Variants in CNTN5 observed in about 807,000 individuals in gnomAD.
CNTN5 encodes the protein contactin 5.
In CNTN5, 77 loss-of-function variants were observed where a neutral mutation model predicts 129.1. The ratio of observed to expected loss-of-function variants is 0.60; its 90% CI spans 0.50 to 0.72. CNTN5 has a LOEUF of 0.72. Among genes scored for constraint, CNTN5 ranks in the 30% least tolerant of loss-of-function variants. The probability of loss-of-function intolerance (pLI) is 0.00; values close to 1 mark genes in which losing one functional copy is unlikely to be tolerated. For synonymous variants in CNTN5, 509 were observed against 465.6 expected (o/e 1.09, Z -1.20); for missense variants, 1,478 against 1,328.8 (o/e 1.11, Z -1.75).
intron 2 of CNTN5, among the ~76,000 whole-genome samples, chr11:99,364,612 T>G (rs999282436): frequency 5.9e-5 from 9 of 152,118 alleles, no homozygotes; most frequent in African/African-American, 1.2e-4. Flanking sequence ...CCATTAATAC[T>G]GTTCATAATA....
At chr11:99,284,626 TG>T (rs1863849380) in intron 1 of CNTN5, among the ~76,000 whole-genome samples, 2 of 122,338 alleles carry the variant, frequency 1.6e-5, no homozygotes, top group Non-Finnish European at 3.7e-5. Context: ...TGTGTGTGTG[TG>T]TGTGTGTGTG....
At chr11:99,101,540 C>A (rs1591191017) in intron 1 of CNTN5, among the ~76,000 whole-genome samples, 1 of 152,194 alleles carries the variant, frequency 6.6e-6, no homozygotes, top group Non-Finnish European at 1.5e-5. Context: ...GTAAATACAG[C>A]TGTCCCAAAT....
intron 3 of CNTN5, among the ~76,000 whole-genome samples, chr11:99,667,021 A>G (rs1038857904): frequency 1.3e-5 from 2 of 151,954 alleles, no homozygotes; most frequent in African/African-American, 4.8e-5. Flanking sequence ...AATAATTAGA[A>G]TAATTATTAG....
At chr11:99,033,330 T>A in intron 1 of CNTN5, among the ~76,000 whole-genome samples, 1 of 152,112 alleles carries the variant, frequency 6.6e-6, no homozygotes, top group Non-Finnish European at 1.5e-5. Flanking sequence ...TTGATGGGAG[T>A]GGCATTGAAT....
chr11:99,379,029 A>G (rs1039252522), intron 2 of CNTN5, among the ~76,000 whole-genome samples: 3 of 152,032 alleles, frequency 2.0e-5, no homozygotes, highest in African/African-American at 7.2e-5. Flanking sequence ...TACATAAAAT[A>G]GCACTCATCT....
At chr11:100,137,453 A>G (rs1199356966) in intron 13 of CNTN5, among the ~76,000 whole-genome samples, 1 of 152,166 alleles carries the variant, frequency 6.6e-6, no homozygotes, top group Non-Finnish European at 1.5e-5. Context: ...ATGGGGAAGA[A>G]AGCAAGAAAT....
intron 16 of CNTN5, among the ~76,000 whole-genome samples, chr11:100,252,239 G>A (rs909108301): frequency 1.7e-4 from 26 of 152,020 alleles, no homozygotes; most frequent in Admixed American, 9.8e-4. Context: ...CTTTTCAGAT[G>A]TGACTGTTTT....
At chr11:99,151,166 T>C (rs1352958352) in intron 1 of CNTN5, among the ~76,000 whole-genome samples, 2 of 152,150 alleles carry the variant, frequency 1.3e-5, no homozygotes, top group South Asian at 2.1e-4. Context: ...TTTAGTTGAA[T>C]GTTTTATGAA....
chr11:100,168,717 T>C (rs189563450), intron 13 of CNTN5, among the ~76,000 whole-genome samples: 35 of 152,068 alleles, frequency 2.3e-4, no homozygotes, highest in African/African-American at 7.7e-4. Context: ...GATGAAGGAG[T>C]AATTTAATTT....
intron 3 of CNTN5, among the ~76,000 whole-genome samples, chr11:99,670,335 T>C (rs985520315): frequency 1.3e-5 from 2 of 152,154 alleles, no homozygotes; most frequent in African/African-American, 4.8e-5. Flanking sequence ...TGAAGAATTA[T>C]GACCCTTTTG....
At chr11:99,647,082 T>A (rs753155714) in intron 3 of CNTN5, among the ~76,000 whole-genome samples, 5 of 152,154 alleles carry the variant, frequency 3.3e-5, no homozygotes, top group Non-Finnish European at 5.9e-5. Context: ...GCTTTTGAGG[T>A]CTTAGTCATC....
At chr11:100,322,380 G>A (rs1054557500) in intron 21 of CNTN5, among the ~76,000 whole-genome samples, 44 of 152,016 alleles carry the variant, frequency 2.9e-4, no homozygotes, top group African/African-American at 1.0e-3. Context: ...CCGCCACTAC[G>A]CCCGGCTAAT....
intron 3 of CNTN5, among the ~76,000 whole-genome samples, chr11:99,774,968 T>C (rs1945074616): frequency 1.3e-5 from 2 of 152,130 alleles, no homozygotes; most frequent in Non-Finnish European, 2.9e-5. Flanking sequence ...TATAATCACT[T>C]GAAAGCGTCA....
intron 3 of CNTN5, among the ~76,000 whole-genome samples, chr11:99,737,591 T>C (rs1943752791): frequency 6.6e-6 from 1 of 152,158 alleles, no homozygotes; most frequent in African/African-American, 2.4e-5. Flanking sequence ...ACTGAAAAAA[T>C]AATCCAAGCA....
intron 1 of CNTN5, among the ~76,000 whole-genome samples, chr11:99,308,666 C>G (rs976998164): frequency 1.3e-5 from 2 of 152,080 alleles, no homozygotes; most frequent in African/African-American, 4.8e-5. Context: ...AATATTCAAC[C>G]GTTATTTCTC....
At chr11:99,300,108 A>C (rs959018236) in intron 1 of CNTN5, among the ~76,000 whole-genome samples, 1 of 151,734 alleles carries the variant, frequency 6.6e-6, no homozygotes, top group Non-Finnish European at 1.5e-5. Context: ...GACGCCTTTT[A>C]TTTCTTTTTC....
intron 2 of CNTN5, among the ~76,000 whole-genome samples, chr11:99,408,468 A>AAG (rs1483227466): frequency 1.6e-5 from 2 of 121,756 alleles, no homozygotes; most frequent in South Asian, 5.6e-4. Context: ...GAAAGAAAGA[A>AAG]AGAAAGAAAG....
intron 15 of CNTN5, among the ~76,000 whole-genome samples, chr11:100,201,838 T>C (rs561911228): frequency 3.8e-4 from 57 of 151,994 alleles, no homozygotes; most frequent in African/African-American, 1.3e-3. Flanking sequence ...CTCTCAGCAG[T>C]GTTCCGCTCT....
At chr11:99,776,177 A>C (rs1380023175) in intron 3 of CNTN5, among the ~76,000 whole-genome samples, 1 of 81,884 alleles carries the variant, frequency 1.2e-5, no homozygotes, top group Non-Finnish European at 2.8e-5. Context: ...CCGTGACTTT[A>C]TGGGGTTAAA....
Sources: gnomAD v4.1 joint callset for allele counts (sites outside exome capture counted in the v4.1 genomes callset) on GRCh38, gnomAD v4.1.1 for gene constraint, MANE v1.5 for transcripts, NCBI Gene and HGNC (gene_info 2026-07-23, HGNC 2026-07-21) for gene names.